SAV1: variants seen among roughly 807,000 people sequenced by gnomAD.
SAV1 encodes the protein protein salvador homolog 1.
SAV1 carries 23 observed loss-of-function variants against 47.3 expected under a neutral mutation model. That is an observed-to-expected ratio of 0.49 (90% confidence interval 0.35 to 0.69). SAV1 has a LOEUF of 0.69. SAV1 is among the 30% of genes least tolerant of loss of function. The pLI is 0.01. For synonymous variants in SAV1, 155 were observed against 159.2 expected (o/e 0.97, Z 0.20); for missense variants, 448 against 457.4 (o/e 0.98, Z 0.19).
At chr14:50,645,742 T>C (rs3015499) in intron 2 of SAV1, among the ~76,000 whole-genome samples, 114,719 of 151,896 alleles carry the variant, frequency 0.76, 43,547 homozygotes, top group East Asian at 0.82. Context: ...AAAAAAAATG[T>C]AAAAATGAAC....
chr14:50,645,486 A>G (rs1356900909), intron 2 of SAV1, among the ~76,000 whole-genome samples: 21 of 152,164 alleles, frequency 1.4e-4, no homozygotes, highest in Admixed American at 1.4e-3. Flanking sequence ...TGTAGAAGGT[A>G]TATATGAAAT....
Position 50,640,897 on chromosome 14 carries a change from A to G in SAV1, c.807-4T>C. ...TGGTTGATCATACCGAGGTACACTA[A>G]GAAGAAAGGAGTGACATTCTTTAGG... On this transcript the variant is annotated splice_region_variant and splice_polypyrimidine_tract_variant and intron_variant, in intron 3 of 4. Coordinates refer to ENST00000324679, the MANE Select transcript of SAV1 (RefSeq NM_021818.4). The G allele has an allele frequency of 6.3e-7, 1 of 1,595,588 alleles. No individual in the cohort carries two copies. The highest frequency in any genetic ancestry group is 1.3e-5 in the African/African-American group (1 of 74,402).
intron 2 of SAV1, among the ~76,000 whole-genome samples, chr14:50,654,082 G>C (rs772631200): frequency 1.7e-4 from 26 of 152,134 alleles, no homozygotes; most frequent in Non-Finnish European, 3.4e-4. Flanking sequence ...CAGGCTGGTG[G>C]TGTTTGAAGG....
chr14:50,659,181 G>C (rs866553517), intron 2 of SAV1, among the ~76,000 whole-genome samples: 1 of 151,446 alleles, frequency 6.6e-6, no homozygotes, highest in African/African-American at 2.4e-5. Context: ...AAAAGAGCCT[G>C]GGATGAGACT....
chr14:50,652,363 GA>G (rs1170249155), intron 2 of SAV1, among the ~76,000 whole-genome samples: 2 of 152,168 alleles, frequency 1.3e-5, no homozygotes, highest in African/African-American at 4.8e-5. Flanking sequence ...TATGTCCATT[GA>G]AAAGGTCTAC....
At chr14:50,644,663 C>A in intron 3 of SAV1, 81 bp downstream of exon 3, 1 of 1,324,994 alleles carries the variant, frequency 7.5e-7, no homozygotes, top group Non-Finnish European at 1.0e-6. Context: ...GGATGCTATT[C>A]TCTTAGATGA....
rs748258462 is a variant in SAV1, at chr14:50,665,277, C to T, written c.437G>A (p.Arg146Gln). The T allele has an allele frequency of 2.0e-5, 32 of 1,613,740 alleles. 1 individual carries two copies. The highest frequency in any genetic ancestry group is 7.7e-5 in the South Asian group (7 of 91,060). Reference protein sequence around the residue: ...SDNFFDGQRKRPLGDRAHEDY... With the variant: ...SDNFFDGQRKQPLGDRAHEDY... Reference sequence around the variant, plus strand: ...TTCATGTGCACGATCTCCAAGTGGCCGCTTTCTCTGACCATCAAAAAAATT... The same window carrying T: ...TTCATGTGCACGATCTCCAAGTGGCTGCTTTCTCTGACCATCAAAAAAATT... Residue 146 changes from arginine (R) to glutamine (Q), a missense_variant, in exon 2 of 5, where the codon CGG becomes CAG. Transcript: ENST00000324679.
chr14:50,658,018 A>G (rs2039827671), intron 2 of SAV1, among the ~76,000 whole-genome samples: 1 of 152,218 alleles, frequency 6.6e-6, no homozygotes, highest in Non-Finnish European at 1.5e-5. Context: ...GGTCCCTAGT[A>G]ATGGATGCTA....
At chr14:50,666,212 G>T (rs2039900446) in intron 1 of SAV1, among the ~76,000 whole-genome samples, 1 of 152,122 alleles carries the variant, frequency 6.6e-6, no homozygotes, top group African/African-American at 2.4e-5. Flanking sequence ...ATTTATGTAT[G>T]AAAATTGAAA....
At chr14:50,643,453 T>A (rs546906362) in intron 3 of SAV1, among the ~76,000 whole-genome samples, 1 of 152,164 alleles carries the variant, frequency 6.6e-6, no homozygotes, top group Non-Finnish European at 1.5e-5. Context: ...TTTTAAACTA[T>A]CAGATCTCAT....
intron 4 of SAV1, among the ~76,000 whole-genome samples, chr14:50,636,148 G>T (rs2039633076): frequency 6.6e-6 from 1 of 152,122 alleles, no homozygotes; most frequent in Non-Finnish European, 1.5e-5. Flanking sequence ...TCAAACTACA[G>T]TGGTTCTATA....
At chr14:50,656,481 C>T (rs1214260439) in intron 2 of SAV1, among the ~76,000 whole-genome samples, 2 of 138,492 alleles carry the variant, frequency 1.4e-5, no homozygotes, top group Non-Finnish European at 3.0e-5. Context: ...TCACTCTTGT[C>T]GCCCAGGTTG....
At chr14:50,645,049 G>A in intron 2 of SAV1, 35 bp from the exon 3 acceptor site, 1 of 1,572,284 alleles carries the variant, frequency 6.4e-7, no homozygotes, top group African/African-American at 1.4e-5. Flanking sequence ...AGAAGAAACA[G>A]AACAATTATT....
chr14:50,663,741 G>A (rs1459883303), intron 2 of SAV1, among the ~76,000 whole-genome samples: 2 of 150,874 alleles, frequency 1.3e-5, no homozygotes, highest in East Asian at 1.9e-4. Flanking sequence ...TTTTCTCTAG[G>A]AATCTACCCT....
In SAV1 at chr14:50,634,056, TGAATCCCTGG is replaced by T; in HGVS notation, c.*1117_*1126del. Reference sequence around the variant, plus strand: ...CGATTTAATGACCAAAAATTTTTTTTGAATCCCTGGTTGTCATTTTTGGTAGCTTAACCCA... The same window carrying T: ...CGATTTAATGACCAAAAATTTTTTTTTTGTCATTTTTGGTAGCTTAACCCA... On this transcript the variant is annotated 3_prime_UTR_variant, in exon 5 of 5. Transcript: ENST00000324679. The T allele has an allele frequency of 1.4e-5, 4 of 287,764 alleles. No homozygotes were observed. Among genetic ancestry groups the T allele is most frequent in the Admixed American group, 8.0e-5 (2 of 25,026 alleles). The allele number at this position is 287,764 out of a possible 1,614,324, so 17.8% of individuals were successfully genotyped here. A position where few individuals can be genotyped will look rare whatever the true frequency, so the allele number is the denominator to read the frequency against.
rs1460286661 is a variant in SAV1, at chr14:50,633,725, G to A, written c.*1458C>T. 6.6e-6 allele frequency: 1 copy of A among 152,628 alleles called. No homozygotes were observed. Among genetic ancestry groups the A allele is most frequent in the Non-Finnish European group, 1.5e-5 (1 of 68,086 alleles). The allele number at this position is 152,628 out of a possible 1,614,324, so 9.5% of individuals were successfully genotyped here. Reference sequence around the variant, plus strand: ...ATTTCTTCAGTTATTCAAACTCACTGATATCTAACTGGGAGTAGTTTGTAT... The same window carrying A: ...ATTTCTTCAGTTATTCAAACTCACTAATATCTAACTGGGAGTAGTTTGTAT... On this transcript the variant is annotated 3_prime_UTR_variant, in exon 5 of 5. Transcript: ENST00000324679.
intron 3 of SAV1, among the ~76,000 whole-genome samples, chr14:50,643,518 T>C (rs2039697649): frequency 6.6e-6 from 1 of 152,080 alleles, no homozygotes; most frequent in South Asian, 2.1e-4. Flanking sequence ...TTCAATCACT[T>C]CCCACCAGGT....
intron 2 of SAV1, among the ~76,000 whole-genome samples, chr14:50,663,699 A>ACCATTGGTAC (rs1229489519): frequency 2.0e-5 from 3 of 152,124 alleles, no homozygotes; most frequent in Non-Finnish European, 4.4e-5. Flanking sequence ...TTTTCCTATT[A>ACCATTGGTAC]CCACTGGTAC....
chr14:50,667,628 G>C (rs2039913784), intron 1 of SAV1: 1 of 500,060 alleles, frequency 2.0e-6, no homozygotes, highest in Non-Finnish European at 3.6e-6. Context: ...GTGGGGCGAG[G>C]AAGTCTGTTA....
Sources: allele counts gnomAD v4.1 joint callset (sites outside exome capture counted in the v4.1 genomes callset), GRCh38; gene constraint gnomAD v4.1.1; transcripts MANE v1.5; gene names NCBI Gene and HGNC (gene_info 2026-07-23, HGNC 2026-07-21).